CRHR2: variants seen among roughly 807,000 people sequenced by gnomAD.
CRHR2 encodes the protein corticotropin-releasing hormone receptor 2.
CRHR2 carries 53 observed loss-of-function variants against 57.9 expected under a neutral mutation model. The observed-to-expected ratio is 0.92, with a 90% CI of 0.73 to 1.15. The LOEUF (loss-of-function observed/expected upper bound fraction) is 1.15. Ranked by LOEUF, CRHR2 falls within the 50% of genes most tolerant of loss-of-function variation. The probability of loss-of-function intolerance (pLI) is 0.00; values close to 1 mark genes in which losing one functional copy is unlikely to be tolerated. For synonymous variants in CRHR2, 213 were observed against 220.9 expected, an observed-to-expected ratio of 0.96 and a Z score of 0.32; for missense variants, 532 against 542.6, an observed-to-expected ratio of 0.98 and a Z score of 0.19.
At chr7:30,672,150 A>T (rs1205599912) in intron 2 of CRHR2, among the ~76,000 whole-genome samples, 2 of 152,208 alleles carry the variant, frequency 1.3e-5, no homozygotes, top group Non-Finnish European at 1.5e-5. Context: ...CAGCCCATTG[A>T]GGTCAAGCTA....
In CRHR2 at chr7:30,665,606, G is replaced by C; in HGVS notation, c.349C>G (p.Leu117Val). The C allele has an allele frequency of 6.4e-7, 1 of 1,561,500 alleles. No homozygotes were observed. The change falls in exon 4 of 12, where the codon CTT becomes GTT. Residue 117 changes from leucine (L) to valine (V), a missense_variant. By Grantham distance (32) the Leu-to-Val change is conservative (BLOSUM62 1). Coordinates refer to ENST00000471646, the MANE Select transcript of CRHR2 (RefSeq NM_001883.5). The surrounding 1 kb of genome is among the most constrained non-coding windows in gnomAD (Gnocchi z 4.5). ...CAGTGGCCCAGGTAGTTGACGACAA[G>C]GGCGATGCGGTAGTGCAGGTCATAC... Reference protein sequence around the residue: ...RKYDLHYRIALVVNYLGHCVS... With the variant: ...RKYDLHYRIAVVVNYLGHCVS...
upstream of CRHR2, among the ~76,000 whole-genome samples, chr7:30,687,306 C>T (rs1291756979): frequency 2.0e-5 from 3 of 152,142 alleles, no homozygotes; most frequent in African/African-American, 7.2e-5. Flanking sequence ...GGTGATGCAT[C>T]CCCAGAGTGG....
chr7:30,659,245 G>A (rs1783900325), intron 8 of CRHR2, among the ~76,000 whole-genome samples: 1 of 152,222 alleles, frequency 6.6e-6, no homozygotes, highest in African/African-American at 2.4e-5. Context: ...GAATGGGTCT[G>A]GAAGAGGAAG....
intron 1 of CRHR2, among the ~76,000 whole-genome samples, chr7:30,693,097 G>C (rs1203352869): frequency 6.6e-6 from 1 of 152,234 alleles, no homozygotes; most frequent in Non-Finnish European, 1.5e-5. Context: ...GGTCACGGGA[G>C]GCAGACCCAG....
At position 30,667,224 on chromosome 7, in the gene CRHR2, T is replaced by G; in HGVS notation, c.315+4A>C. ...TGGGGTCACAGCAGGTGAGGGCCAC[T>G]CACCTTGTCATCCAAAATGGGCTCA... On this transcript the variant is annotated splice_donor_region_variant and intron_variant, in intron 3 of 11. Transcript: ENST00000471646. 6.2e-7 allele frequency: 1 copy of G among 1,613,962 alleles called. No individual in the cohort carries two copies. The highest frequency in any genetic ancestry group is 8.5e-7 in the Non-Finnish European group (1 of 1,179,854).
At chr7:30,654,280 T>G (rs1206218944) in intron 11 of CRHR2, among the ~76,000 whole-genome samples, 1 of 152,206 alleles carries the variant, frequency 6.6e-6, no homozygotes, top group Non-Finnish European at 1.5e-5. Flanking sequence ...ATCCCTTGTT[T>G]GTTTGCCTTA....
chr7:30,685,879 C>T (rs960118888), upstream of CRHR2, among the ~76,000 whole-genome samples: 3 of 152,144 alleles, frequency 2.0e-5, no homozygotes, highest in Non-Finnish European at 4.4e-5. Context: ...ATAGGAGTGC[C>T]GCCAACCCAT....
intron 1 of CRHR2, among the ~76,000 whole-genome samples, chr7:30,691,300 C>T (rs74543168): frequency 5.9e-5 from 9 of 152,332 alleles, no homozygotes; most frequent in East Asian, 5.8e-4. Context: ...GGTCAGGGTA[C>T]GGGCAACCCA....
rs572905690 is a variant in CRHR2, at chr7:30,665,057, C to T, written c.543+13G>A. ...CCCCCCAGGTATAGCCCCGAGTCTC[C>T]CCGAGCAATGACCTCATTGCTCTCG... On this transcript the variant is annotated intron_variant, in intron 5 of 11. Transcript: ENST00000471646. The surrounding 1 kb of genome is among the most constrained non-coding windows in gnomAD (Gnocchi z 4.5). 1.2e-6 allele frequency: 2 copies of T among 1,611,596 alleles called. No individual in the cohort carries two copies. The highest frequency in any genetic ancestry group is 3.3e-5 in the Admixed American group (2 of 60,012).
chr7:30,676,673 AGGGCAGGTCTCAGCCTTT>A (rs1784526877), intron 2 of CRHR2, among the ~76,000 whole-genome samples: 1 of 152,204 alleles, frequency 6.6e-6, no homozygotes, highest in Admixed American at 6.5e-5. Flanking sequence ...GGGCTTCCTG[AGGGCAGGTCTCAGCCTTT>A]CTTATCACCT....
intron 11 of CRHR2, chr7:30,654,823 G>C (rs1359836721): frequency 2.6e-6 from 4 of 1,540,630 alleles, no homozygotes; most frequent in Non-Finnish European, 2.6e-6. Flanking sequence ...GTGCACATGT[G>C]GGGTGCTGGC....
intron 11 of CRHR2, among the ~76,000 whole-genome samples, chr7:30,654,393 G>C (rs1009469431): frequency 6.6e-5 from 10 of 152,164 alleles, no homozygotes; most frequent in Admixed American, 6.5e-5. Context: ...GGCCTGCATA[G>C]ACACCTCGCC....
rs748451361 is a variant in CRHR2 at position 30,667,267 on chromosome 7, CT to C, written c.275del (p.Lys92ArgfsTer59). ...TGGGCTCACACTGTGAGTAGTTGAT[CT>C]TTGAGGCCCACGTCCCATTCTCCAA... is the stretch of plus-strand genomic sequence containing the variant. ...ECLENGTWAS[K>X]INYSQCEPIL... On this transcript the variant is annotated frameshift_variant, in exon 3 of 12. Coordinates refer to ENST00000471646, the MANE Select transcript of CRHR2 (RefSeq NM_001883.5). LOFTEE classifies it high-confidence loss of function. 3.7e-6 allele frequency: 6 copies of C among 1,614,058 alleles called. No individual in the cohort carries two copies. The highest frequency in any genetic ancestry group is 4.2e-6 in the Non-Finnish European group (5 of 1,180,040).
At chr7:30,675,133 C>A (rs1784476760) in intron 2 of CRHR2, among the ~76,000 whole-genome samples, 1 of 152,196 alleles carries the variant, frequency 6.6e-6, no homozygotes, top group East Asian at 1.9e-4. Flanking sequence ...GCTCTCCTGG[C>A]AGGTGCTGTG....
At chr7:30,683,343 G>A (rs755590221), upstream of CRHR2, among the ~76,000 whole-genome samples, 2 of 152,318 alleles carry the variant, frequency 1.3e-5, no homozygotes, top group African/African-American at 2.4e-5. Flanking sequence ...CACCAGTAGC[G>A]GGGCAGGGGC....
chr7:30,689,744 A>G (rs1221000048), intron 1 of CRHR2, among the ~76,000 whole-genome samples: 1 of 152,198 alleles, frequency 6.6e-6, no homozygotes, highest in Non-Finnish European at 1.5e-5. Flanking sequence ...GATCCTCTAG[A>G]CTTAGAAAGT....
chr7:30,680,238 A>AG (rs1317799378), intron 2 of CRHR2, among the ~76,000 whole-genome samples: 1 of 151,454 alleles, frequency 6.6e-6, no homozygotes, highest in Non-Finnish European at 1.5e-5. Flanking sequence ...ATTGTGAGTG[A>AG]GAGCCTCAAT....
intron 2 of CRHR2, among the ~76,000 whole-genome samples, chr7:30,668,410 G>T (rs181372750): frequency 1.6e-4 from 25 of 152,122 alleles, no homozygotes; most frequent in Non-Finnish European, 1.0e-4. Context: ...CATTGTTTGG[G>T]GGTGATTTGT....
intron 2 of CRHR2, among the ~76,000 whole-genome samples, chr7:30,677,251 C>T (rs1029336743): frequency 6.6e-6 from 1 of 152,094 alleles, no homozygotes; most frequent in Non-Finnish European, 1.5e-5. Context: ...CAGAAACATA[C>T]ACCCAGAAAC....
Sources: gnomAD v4.1 joint callset for allele counts (sites outside exome capture counted in the v4.1 genomes callset) on GRCh38, gnomAD v4.1.1 for gene constraint, Gnocchi (gnomAD v3.1) non-coding constraint, MANE v1.5 for transcripts, NCBI Gene and HGNC (gene_info 2026-07-23, HGNC 2026-07-21) for gene names.